Variants in ARHGAP24 observed in about 807,000 individuals in gnomAD.
ARHGAP24 encodes the protein Rho GTPase activating protein 24, also known as rho GTPase-activating protein 24.
A neutral mutation model predicts 76.4 loss-of-function variants in ARHGAP24; 50 were observed. The observed-to-expected ratio is 0.65, with a 90% CI of 0.52 to 0.83. The LOEUF (loss-of-function observed/expected upper bound fraction) is 0.83, where lower values mean the gene tolerates loss of function less well. Ranked by LOEUF, ARHGAP24 falls within the 40% of genes least tolerant of loss-of-function variation. The pLI is 0.00. For synonymous variants in ARHGAP24, 345 were observed against 323.3 expected (o/e 1.07, Z -0.72); for missense variants, 930 against 914.2 (o/e 1.02, Z -0.22).
intron 2 of ARHGAP24, among the ~76,000 whole-genome samples, chr4:85,672,027 T>C (rs948987526): frequency 6.6e-6 from 1 of 152,200 alleles, no homozygotes; most frequent in Non-Finnish European, 1.5e-5. Flanking sequence ...ATGAGTTTAA[T>C]GTGAACACAA....
intron 2 of ARHGAP24, among the ~76,000 whole-genome samples, chr4:85,701,074 GT>G (rs1462275843): frequency 2.6e-5 from 4 of 152,060 alleles, no homozygotes; most frequent in Non-Finnish European, 4.4e-5. Flanking sequence ...TATTTCATTA[GT>G]CTCTCTGTCA....
At chr4:85,886,655 A>T (rs1340148977) in intron 3 of ARHGAP24, among the ~76,000 whole-genome samples, 1 of 152,180 alleles carries the variant, frequency 6.6e-6, no homozygotes, top group Non-Finnish European at 1.5e-5. Flanking sequence ...TTAACTGAAT[A>T]GCTTTTTTGC....
intron 3 of ARHGAP24, among the ~76,000 whole-genome samples, chr4:85,821,038 C>T (rs1044304826): frequency 1.3e-4 from 19 of 151,714 alleles, no homozygotes; most frequent in African/African-American, 4.1e-4. Flanking sequence ...GGAGGTACAA[C>T]TAAAAATGCT....
chr4:85,631,097 T>C (rs1306452898), intron 2 of ARHGAP24, among the ~76,000 whole-genome samples: 2 of 152,126 alleles, frequency 1.3e-5, no homozygotes. Context: ...GTTGAGTTTA[T>C]AGAGTTGAAA....
intron 3 of ARHGAP24, among the ~76,000 whole-genome samples, chr4:85,781,380 C>T (rs1312068065): frequency 1.3e-5 from 2 of 152,058 alleles, no homozygotes; most frequent in Non-Finnish European, 2.9e-5. Flanking sequence ...ATAGTAGTCA[C>T]TTTTATTAAT....
chr4:85,539,216 A>G (rs1367152149), intron 1 of ARHGAP24, among the ~76,000 whole-genome samples: 3 of 152,208 alleles, frequency 2.0e-5, no homozygotes, highest in Non-Finnish European at 4.4e-5. Context: ...GAATGAAGAT[A>G]AAATGGTTTC....
chr4:85,503,349 G>A (rs1219685863), intron 1 of ARHGAP24, among the ~76,000 whole-genome samples: 1 of 152,106 alleles, frequency 6.6e-6, no homozygotes, highest in Non-Finnish European at 1.5e-5. Context: ...TCTGGTCCTG[G>A]ACTTTTTTGG....
intron 2 of ARHGAP24, among the ~76,000 whole-genome samples, chr4:85,702,208 G>A (rs539433823): frequency 6.6e-6 from 1 of 152,232 alleles, no homozygotes; most frequent in South Asian, 2.1e-4. Context: ...GACAAAGGAA[G>A]AGTAGTAACT....
At chr4:85,734,810 T>G (rs1725545271) in intron 3 of ARHGAP24, among the ~76,000 whole-genome samples, 1 of 152,044 alleles carries the variant, frequency 6.6e-6, no homozygotes, top group Non-Finnish European at 1.5e-5. Context: ...GTTCTTTGAT[T>G]GAAAGACAAG....
chr4:85,707,857 C>T (rs1315841544), intron 2 of ARHGAP24, among the ~76,000 whole-genome samples: 2 of 152,104 alleles, frequency 1.3e-5, no homozygotes, highest in East Asian at 1.9e-4. Context: ...GTACTCACAA[C>T]GCAGCTGGTT....
At chr4:85,717,348 C>T (rs774194535) in intron 2 of ARHGAP24, among the ~76,000 whole-genome samples, 1 of 152,084 alleles carries the variant, frequency 6.6e-6, no homozygotes, top group Non-Finnish European at 1.5e-5. Context: ...ACTGCCAACA[C>T]GTTTCTTGAC....
At position 85,811,381 on chromosome 4, in the gene ARHGAP24, A is replaced by G. The variant is rs146900532; in HGVS notation, c.268+89409A>G. On this transcript the variant is annotated intron_variant, in intron 3 of 9. Coordinates refer to ENST00000395184, the MANE Select transcript of ARHGAP24 (RefSeq NM_001025616.3). ...AGGTATGAGTTCACTCCAGAACTTG[A>G]ATCCAGTTGCTAGTGAATATGGATG... Among the ~76,000 whole-genome samples, 1,512 of 152,314 alleles carry G rather than the reference A, an allele frequency of 9.9e-3. 29 individuals carry two copies. Among genetic ancestry groups the G allele is most frequent in the African/African-American group, 0.034 (1,413 of 41,564 alleles).
At chr4:85,794,689 G>C (rs1728274103) in intron 3 of ARHGAP24, among the ~76,000 whole-genome samples, 2 of 152,142 alleles carry the variant, frequency 1.3e-5, no homozygotes, top group African/African-American at 4.8e-5. Flanking sequence ...CGCCATGTTG[G>C]CCAGGCTGGT....
intron 2 of ARHGAP24, among the ~76,000 whole-genome samples, chr4:85,644,758 A>C (rs1000977137): frequency 2.0e-5 from 3 of 152,118 alleles, no homozygotes. Flanking sequence ...GCCATTTTGT[A>C]GTTAACTTTT....
intron 2 of ARHGAP24, among the ~76,000 whole-genome samples, chr4:85,602,525 G>A (rs936034270): frequency 4.6e-5 from 7 of 152,138 alleles, no homozygotes; most frequent in African/African-American, 1.4e-4. Flanking sequence ...CATAAAAAAT[G>A]TAATGATTTT....
At chr4:85,524,012 G>T (rs923788362) in intron 1 of ARHGAP24, among the ~76,000 whole-genome samples, 1 of 152,082 alleles carries the variant, frequency 6.6e-6, no homozygotes, top group Non-Finnish European at 1.5e-5. Context: ...GTGGTGGTGG[G>T]CAGCCCAATT....
chr4:85,532,553 C>T (rs1452930865), intron 1 of ARHGAP24, among the ~76,000 whole-genome samples: 1 of 151,994 alleles, frequency 6.6e-6, no homozygotes, highest in Non-Finnish European at 1.5e-5. Flanking sequence ...ACAATTTGAC[C>T]ATACAGAATT....
intron 3 of ARHGAP24, among the ~76,000 whole-genome samples, chr4:85,856,935 C>CT (rs924733048): frequency 7.9e-5 from 12 of 151,990 alleles, no homozygotes; most frequent in African/African-American, 2.2e-4. Flanking sequence ...TGGCAACTGA[C>CT]TTTTTTTTAA....
intron 2 of ARHGAP24, among the ~76,000 whole-genome samples, chr4:85,573,495 C>T (rs1360236506): frequency 6.6e-6 from 1 of 152,184 alleles, no homozygotes; most frequent in Non-Finnish European, 1.5e-5. Context: ...CATGCAGCAG[C>T]AGGGCCAGGA....
Sources: gnomAD v4.1 joint callset for allele counts (sites outside exome capture counted in the v4.1 genomes callset) on GRCh38, gnomAD v4.1.1 for gene constraint, MANE v1.5 for transcripts, NCBI Gene and HGNC (gene_info 2026-07-23, HGNC 2026-07-21) for gene names.